Variants in RAPGEF6 observed in about 807,000 individuals in gnomAD.
The protein encoded by RAPGEF6 is PDZ domain containing guanine nucleotide exchange factor (GEF) 2.
Under a neutral mutation model 171.4 loss-of-function variants are expected in RAPGEF6, and 56 were observed. The ratio of observed to expected loss-of-function variants is 0.33; its 90% confidence interval spans 0.26 to 0.41. The LOEUF is 0.41. RAPGEF6 is among the 10% of genes least tolerant of loss of function. The probability of loss-of-function intolerance (pLI) is 1.00; values close to 1 mark genes in which losing one functional copy is unlikely to be tolerated. For synonymous variants in RAPGEF6, 692 were observed against 650.1 expected, an observed-to-expected ratio of 1.06 and a Z score of -0.98; for missense variants, 1,674 against 1,921.4, an observed-to-expected ratio of 0.87 and a Z score of 2.41.
chr5:131,524,502 A>G (rs1758723851), intron 6 of RAPGEF6, among the ~76,000 whole-genome samples: 1 of 152,082 alleles, frequency 6.6e-6, no homozygotes, highest in African/African-American at 2.4e-5. Flanking sequence ...AGAATGGAAA[A>G]ATATAGACCA....
intron 4 of RAPGEF6, among the ~76,000 whole-genome samples, chr5:131,579,499 T>C (rs150896010): frequency 2.2e-4 from 34 of 152,306 alleles, no homozygotes; most frequent in South Asian, 1.0e-3. Context: ...AGGGTGCTGA[T>C]TGGTGCGTTT....
rs1753725366 is a variant in RAPGEF6 at position 131,459,152 on chromosome 5, G to A, written c.2864+2553C>T. On this transcript the variant is annotated intron_variant, in intron 19 of 27. Transcript: ENST00000509018. The stretch of plus-strand genomic sequence containing the variant: ...TAGACAAATCAATGAAGCAATGAGT[G>A]CAGACATAAACCCAAATATGTGTTA... Among the ~76,000 whole-genome samples, 3 of 152,222 alleles carry A rather than the reference G, an allele frequency of 2.0e-5. No individual in the cohort carries two copies. In the East Asian group the frequency reaches 5.8e-4, roughly 29 times the overall value.
chr5:131,431,045 T>G lies in RAPGEF6; in HGVS notation c.4279A>C (p.Ser1427Arg). The change falls in exon 26 of 28, where the codon AGC (serine) becomes CGC (arginine). Residue 1427 changes from serine to arginine, a missense_variant. Transcript: ENST00000509018. ...CSRTCGQCKGSLERKSWTSSS... is the reference protein window; with the variant it reads ...CSRTCGQCKGRLERKSWTSSS... Reference sequence around the variant, plus strand: ...GAGGTCCAACTCTTTCTCTCTAGGCTTCCTTTACACTGCCCACAAGTTCTA... The same window carrying G: ...GAGGTCCAACTCTTTCTCTCTAGGCGTCCTTTACACTGCCCACAAGTTCTA... The G allele has an allele frequency of 6.2e-7, 1 of 1,614,072 alleles. No individual in the cohort carries two copies. The highest frequency in any genetic ancestry group is 2.2e-5 in the East Asian group (1 of 44,892).
chr5:131,491,055 C>CGT (rs147350380), intron 14 of RAPGEF6, among the ~76,000 whole-genome samples: 295 of 151,234 alleles, frequency 2.0e-3, no homozygotes, highest in South Asian at 6.9e-3. Flanking sequence ...AATGATTTCA[C>CGT]GTGTGTGTGT....
chr5:131,598,187 C>T (rs1764013631), intron 3 of RAPGEF6, among the ~76,000 whole-genome samples: 1 of 151,996 alleles, frequency 6.6e-6, no homozygotes, highest in South Asian at 2.1e-4. Flanking sequence ...ACAATTAAAA[C>T]TTAAAAATTC....
At chr5:131,543,954 G>C (rs1472339890) in intron 6 of RAPGEF6, among the ~76,000 whole-genome samples, 2 of 152,050 alleles carry the variant, frequency 1.3e-5, no homozygotes, top group Non-Finnish European at 2.9e-5. Context: ...TACATGAAAA[G>C]AGGCTCAACA....
At chr5:131,569,544 C>G (rs559742434) in intron 4 of RAPGEF6, among the ~76,000 whole-genome samples, 27 of 152,010 alleles carry the variant, frequency 1.8e-4, no homozygotes, top group African/African-American at 6.5e-4. Context: ...TATATACAAA[C>G]AAAACAAAAA....
intron 6 of RAPGEF6, among the ~76,000 whole-genome samples, chr5:131,536,023 A>G (rs1229246763): frequency 6.6e-6 from 1 of 152,200 alleles, no homozygotes; most frequent in Non-Finnish European, 1.5e-5. Context: ...AATGGAATTT[A>G]TTCCCAATCT....
intron 27 of RAPGEF6, among the ~76,000 whole-genome samples, chr5:131,427,786 T>C: frequency 6.6e-6 from 1 of 152,098 alleles, no homozygotes; most frequent in Non-Finnish European, 1.5e-5. Context: ...CACACAGAAA[T>C]AGGCAGCTTG....
chr5:131,633,846 T>C (rs1437972569), intron 1 of RAPGEF6, among the ~76,000 whole-genome samples: 3 of 152,158 alleles, frequency 2.0e-5, no homozygotes, highest in African/African-American at 7.2e-5. Flanking sequence ...CCTACTGAAA[T>C]TCATAAATCA....
intron 3 of RAPGEF6, among the ~76,000 whole-genome samples, chr5:131,601,445 C>T (rs1389796043): frequency 4.7e-5 from 7 of 149,046 alleles, no homozygotes. Context: ...ACTAGACATA[C>T]CCAACAAAGG....
chr5:131,465,524 G>C (rs1158574984), intron 17 of RAPGEF6, among the ~76,000 whole-genome samples: 1 of 152,106 alleles, frequency 6.6e-6, no homozygotes, highest in African/African-American at 2.4e-5. Flanking sequence ...ACTCACACCT[G>C]TAATCCCAGG....
chr5:131,493,383 T>C (rs1257781465), intron 13 of RAPGEF6, among the ~76,000 whole-genome samples: 1 of 152,050 alleles, frequency 6.6e-6, no homozygotes, highest in Non-Finnish European at 1.5e-5. Flanking sequence ...TTTCTTAAAC[T>C]TTTCCTAATA....
chr5:131,564,256 T>A (rs2149970584), intron 4 of RAPGEF6, among the ~76,000 whole-genome samples: 1 of 152,326 alleles, frequency 6.6e-6, no homozygotes, highest in East Asian at 1.9e-4. Flanking sequence ...AACAACATTG[T>A]GCACAAGAGT....
intron 21 of RAPGEF6, chr5:131,446,944 TTCCA>T: frequency 2.2e-6 from 1 of 445,336 alleles, no homozygotes; most frequent in Non-Finnish European, 4.1e-6. Flanking sequence ...GAGTGGCATA[TTCCA>T]TCAGGCCTGT....
chr5:131,456,263 T>A (rs1371446342), intron 19 of RAPGEF6, among the ~76,000 whole-genome samples: 1 of 152,204 alleles, frequency 6.6e-6, no homozygotes, highest in African/African-American at 2.4e-5. Context: ...CAGTTTCATT[T>A]AAGTGACAGA....
At chr5:131,602,728 T>C (rs1014047492) in intron 3 of RAPGEF6, among the ~76,000 whole-genome samples, 7 of 152,050 alleles carry the variant, frequency 4.6e-5, no homozygotes, top group Non-Finnish European at 7.4e-5. Flanking sequence ...GCCATTGCAC[T>C]CCAGCCTGGG....
chr5:131,531,123 G>A (rs1464667797), intron 6 of RAPGEF6, among the ~76,000 whole-genome samples: 1 of 152,152 alleles, frequency 6.6e-6, no homozygotes, highest in Non-Finnish European at 1.5e-5. Context: ...CAGTGAGCTA[G>A]GCCAGATAAA....
rs917934821 is a variant in RAPGEF6 at position 131,439,453 on chromosome 5, T to G, written c.3745+128A>C. On this transcript the variant is annotated intron_variant, in intron 24 of 27. Coordinates refer to ENST00000509018, the MANE Select transcript of RAPGEF6 (RefSeq NM_016340.6). ...AATAATGCAATACAAAACATCAAAG[T>G]TCAAAAAGCATTAGGAGTTATGCTT... 3 of 1,408,720 alleles carry G rather than the reference T, an allele frequency of 2.1e-6. No individual in the cohort carries two copies. The African/African-American group carries it at 4.3e-5, about 20-fold the overall frequency. The allele number at this position is 1,408,720 out of a possible 1,614,324, so 87.3% of individuals were successfully genotyped here.
Sources: allele counts gnomAD v4.1 joint callset (sites outside exome capture counted in the v4.1 genomes callset), GRCh38; gene constraint gnomAD v4.1.1; transcripts MANE v1.5; gene names NCBI Gene and HGNC (gene_info 2026-07-23, HGNC 2026-07-21).